The following GDAP2 variants were observed in gnomAD, a reference collection of about 807,000 sequenced individuals.
GDAP2 encodes ganglioside-induced differentiation-associated protein 2.
GDAP2 carries 51 observed loss-of-function variants against 67.0 expected under a neutral mutation model. The ratio of observed to expected loss-of-function variants is 0.76; its 90% CI spans 0.61 to 0.96. The LOEUF is 0.96. Among genes scored for constraint, GDAP2 ranks in the 40% least tolerant of loss-of-function variants. The pLI, the probability that GDAP2 is intolerant of heterozygous loss-of-function variation, is 0.00. For synonymous variants in GDAP2, 203 were observed against 207.3 expected (o/e 0.98, Z 0.18); for missense variants, 547 against 588.3 (o/e 0.93, Z 0.73).
At chr1:117,908,062 G>A (rs2101150141) in intron 5 of GDAP2, among the ~76,000 whole-genome samples, 1 of 151,892 alleles carries the variant, frequency 6.6e-6, no homozygotes, top group African/African-American at 2.4e-5. Flanking sequence ...CTGCTTGCAT[G>A]TGCCTACCTT....
At position 117,903,455 on chromosome 1, in the gene GDAP2, T is replaced by A. The variant is rs541879519; in HGVS notation, c.636+3051A>T. On this transcript the variant is annotated intron_variant, in intron 6 of 13. Coordinates refer to ENST00000369443, the MANE Select transcript of GDAP2 (RefSeq NM_017686.4). ...GGCTGAAGCAGTTCTCTCTTATTCCTAGTTTGTTGACTGTTTTTATCAAGA... is the reference window on the plus strand; with the variant it reads ...GGCTGAAGCAGTTCTCTCTTATTCCAAGTTTGTTGACTGTTTTTATCAAGA... Among the ~76,000 whole-genome samples, 4 of 151,998 alleles carry A rather than the reference T, an allele frequency of 2.6e-5. No individual in the cohort carries two copies. The South Asian group carries it at 8.3e-4, about 31-fold the overall frequency.
intron 13 of GDAP2, chr1:117,877,793 C>G: frequency 8.0e-7 from 1 of 1,250,938 alleles, no homozygotes; most frequent in Non-Finnish European, 1.0e-6. Context: ...AGATCTCCCA[C>G]TGAAACGTTT....
intron 3 of GDAP2, among the ~76,000 whole-genome samples, chr1:117,916,128 A>G (rs1241578042): frequency 2.4e-4 from 36 of 152,210 alleles, no homozygotes; most frequent in Admixed American, 2.4e-3. Flanking sequence ...TTACAGGATT[A>G]CAATTGTGAT....
rs1305631260 is a variant in GDAP2, at chr1:117,917,399, ATAAC to A, written c.316+1194_316+1197del. Among the ~76,000 whole-genome samples, 3 of 152,250 alleles carry A rather than the reference ATAAC, an allele frequency of 2.0e-5. No homozygotes were observed. In the South Asian group the frequency reaches 6.2e-4, roughly 31 times the overall value. ...TCATTAAACAGACAACTGGGGCCTA[ATAAC>A]TAACACCTAATAACTAATACTTGTT... On this transcript the variant is annotated intron_variant, in intron 3 of 13. Transcript: ENST00000369443.
At chr1:117,905,849 T>C (rs139343766) in intron 6 of GDAP2, among the ~76,000 whole-genome samples, 2 of 152,174 alleles carry the variant, frequency 1.3e-5, no homozygotes, top group East Asian at 1.9e-4. Context: ...ACTTCACTAA[T>C]AGATAGCTAA....
chr1:117,922,054 TTA>T (rs1269985885), intron 1 of GDAP2, among the ~76,000 whole-genome samples: 2 of 152,064 alleles, frequency 1.3e-5, no homozygotes, highest in African/African-American at 4.8e-5. Flanking sequence ...TTTTTTTTTC[TTA>T]TGTCTTTTTG....
intron 8 of GDAP2, among the ~76,000 whole-genome samples, chr1:117,895,872 T>C (rs1039293325): frequency 6.6e-5 from 10 of 152,126 alleles, no homozygotes; most frequent in South Asian, 2.1e-4. Context: ...ATCATTACAA[T>C]ACAGCGTGAA....
rs1057180818 is a variant in GDAP2 at position 117,924,656 on chromosome 1, A to G, written c.-67-4232T>C. On this transcript the variant is annotated intron_variant, in intron 1 of 13. Coordinates refer to ENST00000369443, the MANE Select transcript of GDAP2 (RefSeq NM_017686.4). ...TGCGGAACAGGAAATGTGATCATTTATATAACAATTTCAGAAAGGCCTTGT... is the reference window on the plus strand; with the variant it reads ...TGCGGAACAGGAAATGTGATCATTTGTATAACAATTTCAGAAAGGCCTTGT... 3.3e-5 allele frequency among the ~76,000 whole-genome samples: 5 copies of G among 152,236 alleles called. No individual in the cohort carries two copies. In the South Asian group the frequency reaches 1.0e-3, roughly 32 times the overall value.
At chr1:117,877,844 A>G (rs733832) in intron 13 of GDAP2, 165 bp downstream of exon 13, 13,454 of 1,266,528 alleles carry the variant, frequency 0.011, 232 homozygotes, top group South Asian at 0.087. Flanking sequence ...TCCTTTTCCT[A>G]AAGTTATCAT....
intron 12 of GDAP2, among the ~76,000 whole-genome samples, chr1:117,878,960 C>A (rs1351508084): frequency 6.6e-6 from 1 of 152,076 alleles, no homozygotes; most frequent in South Asian, 2.1e-4. Context: ...GTAACGTATG[C>A]AGGAAATAGC....
intron 3 of GDAP2, among the ~76,000 whole-genome samples, chr1:117,914,316 T>G (rs1465708446): frequency 6.6e-6 from 1 of 152,152 alleles, no homozygotes; most frequent in African/African-American, 2.4e-5. Flanking sequence ...GGCACTTATG[T>G]AACTGCTATA....
chr1:117,926,068 T>C (rs947307995), intron 1 of GDAP2, among the ~76,000 whole-genome samples: 4 of 152,212 alleles, frequency 2.6e-5, no homozygotes, highest in Non-Finnish European at 4.4e-5. Flanking sequence ...TTTCCTCCTT[T>C]ATTTCTTCTA....
At chr1:117,880,020 T>C (rs890332045) in intron 12 of GDAP2, among the ~76,000 whole-genome samples, 2 of 151,788 alleles carry the variant, frequency 1.3e-5, no homozygotes, top group Admixed American at 6.6e-5. Flanking sequence ...TCTATAAAAA[T>C]ACAAAATAAA....
chr1:117,885,434 G>C (rs1056746875), intron 10 of GDAP2, among the ~76,000 whole-genome samples: 1 of 152,016 alleles, frequency 6.6e-6, no homozygotes, highest in Non-Finnish European at 1.5e-5. Flanking sequence ...ACCCAATGAA[G>C]GTCAATGTAG....
intron 3 of GDAP2, among the ~76,000 whole-genome samples, chr1:117,916,971 T>C (rs1650066237): frequency 6.6e-6 from 1 of 151,292 alleles, no homozygotes; most frequent in Non-Finnish European, 1.5e-5. Context: ...GAGGCGGAGG[T>C]TGTGGTGAGC....
At chr1:117,909,584 T>C (rs1486345275) in intron 5 of GDAP2, among the ~76,000 whole-genome samples, 1 of 152,212 alleles carries the variant, frequency 6.6e-6, no homozygotes, top group Non-Finnish European at 1.5e-5. Context: ...GATAAAGTAT[T>C]CAAGCAAAAG....
At chr1:117,882,838 A>G (rs1300185689) in intron 11 of GDAP2, 1 of 152,214 alleles carries the variant, frequency 6.6e-6, no homozygotes, top group Non-Finnish European at 1.5e-5. Context: ...TGCAATCCAC[A>G]CAGACATTGT....
intron 8 of GDAP2, 30 bp from the exon 9 acceptor site, chr1:117,887,804 AT>A (rs772512827): frequency 2.4e-6 from 3 of 1,253,318 alleles, no homozygotes; most frequent in Non-Finnish European, 3.5e-6. Context: ...AATCATTATA[AT>A]AAACCCTTGG....
chr1:117,908,551 G>A (rs1649737045), intron 5 of GDAP2, among the ~76,000 whole-genome samples: 1 of 152,156 alleles, frequency 6.6e-6, no homozygotes, highest in African/African-American at 2.4e-5. Flanking sequence ...AGCAGGACAT[G>A]GAGGCTCATG....
Sources: gnomAD v4.1 joint callset for allele counts (sites outside exome capture counted in the v4.1 genomes callset) on GRCh38, gnomAD v4.1.1 for gene constraint, MANE v1.5 for transcripts, NCBI Gene and HGNC (gene_info 2026-07-23, HGNC 2026-07-21) for gene names.